The following TBC1D32 variants were observed in gnomAD, a reference collection of about 807,000 sequenced individuals.
TBC1D32 encodes the protein protein broad-minded.
A neutral mutation model predicts 170.3 loss-of-function variants in TBC1D32; 151 were observed. That is an observed-to-expected ratio of 0.89 (90% CI 0.78 to 1.01). The LOEUF (loss-of-function observed/expected upper bound fraction) is 1.01. TBC1D32 is among the 50% of genes least tolerant of loss of function. The pLI, the probability that TBC1D32 is intolerant of heterozygous loss-of-function variation, is 0.00. For synonymous variants in TBC1D32, 498 were observed against 488.0 expected (o/e 1.02, Z -0.27); for missense variants, 1,464 against 1,457.1 (o/e 1.00, Z -0.08).
At chr6:121,244,554 C>T (rs1371670359) in intron 17 of TBC1D32, among the ~76,000 whole-genome samples, 1 of 152,090 alleles carries the variant, frequency 6.6e-6, no homozygotes, top group Non-Finnish European at 1.5e-5. Context: ...CTCTGCTGTG[C>T]TGTGTTTTTA....
chr6:121,254,056 A>AT (rs1315491451), intron 17 of TBC1D32, among the ~76,000 whole-genome samples: 1 of 150,968 alleles, frequency 6.6e-6, no homozygotes, highest in Non-Finnish European at 1.5e-5. Flanking sequence ...CTACTCAGTC[A>AT]TAAAAAAAAA....
chr6:121,238,670 T>C (rs535510148), intron 20 of TBC1D32, among the ~76,000 whole-genome samples: 1 of 152,250 alleles, frequency 6.6e-6, no homozygotes, highest in East Asian at 1.9e-4. Flanking sequence ...TTCCTTCAAA[T>C]ATTCCTGACA....
chr6:121,273,435 A>G (rs1454088103), intron 15 of TBC1D32, among the ~76,000 whole-genome samples: 2 of 151,584 alleles, frequency 1.3e-5, no homozygotes, highest in East Asian at 3.9e-4. Flanking sequence ...GTGAGAACTG[A>G]ACAATGAGAA....
chr6:121,129,745 A>G (rs1451419887), intron 25 of TBC1D32: 2 of 259,698 alleles, frequency 7.7e-6, no homozygotes, highest in Admixed American at 4.7e-5. Context: ...TTGATGACTA[A>G]GAGGACAGGT....
At chr6:121,105,476 T>A (rs1411403532) in intron 30 of TBC1D32, among the ~76,000 whole-genome samples, 1 of 151,928 alleles carries the variant, frequency 6.6e-6, no homozygotes, top group Non-Finnish European at 1.5e-5. Context: ...AATTATAACA[T>A]AGTGAAGCAA....
At chr6:121,271,488 C>A (rs142384054) in intron 15 of TBC1D32, among the ~76,000 whole-genome samples, 4,996 of 152,020 alleles carry the variant, frequency 0.033, 200 homozygotes, top group East Asian at 0.12. Flanking sequence ...CAGAGAGCCA[C>A]ATCCTGAGTG....
chr6:121,087,950 ATT>A (rs571335757), intron 31 of TBC1D32, among the ~76,000 whole-genome samples: 7,786 of 141,280 alleles, frequency 0.055, 501 homozygotes, highest in African/African-American at 0.16. Context: ...TACATGGGGA[ATT>A]TTTTTTTTTT....
chr6:121,101,756 A>G (rs1047854897), intron 30 of TBC1D32, among the ~76,000 whole-genome samples: 1 of 152,082 alleles, frequency 6.6e-6, no homozygotes, highest in Non-Finnish European at 1.5e-5. Context: ...GGCAAGAGAA[A>G]GAAATAAAGG....
chr6:121,318,165 C>T (rs1008278605), intron 2 of TBC1D32, among the ~76,000 whole-genome samples: 4 of 152,060 alleles, frequency 2.6e-5, no homozygotes, highest in African/African-American at 9.7e-5. Context: ...CTCTTGTATA[C>T]TCCCAAGACC....
chr6:121,240,871 G>A (rs550874397), intron 19 of TBC1D32, among the ~76,000 whole-genome samples: 1 of 87,166 alleles, frequency 1.1e-5, no homozygotes, highest in Non-Finnish European at 2.3e-5. Context: ...GTGAAATTCT[G>A]TCTCACAAAA....
chr6:121,270,338 G>T (rs1801194165), intron 15 of TBC1D32, among the ~76,000 whole-genome samples: 1 of 151,880 alleles, frequency 6.6e-6, no homozygotes, highest in Non-Finnish European at 1.5e-5. Context: ...CTGGTTTTTT[G>T]AAAAGATCAA....
intron 3 of TBC1D32, among the ~76,000 whole-genome samples, chr6:121,316,286 C>T (rs1354728150): frequency 1.3e-5 from 2 of 152,100 alleles, no homozygotes; most frequent in Non-Finnish European, 2.9e-5. Flanking sequence ...TTCTTATGTT[C>T]CCATTTCAAT....
chr6:121,205,271 G>A, intron 21 of TBC1D32, 108 bp from the exon 22 acceptor site: 1 of 515,378 alleles, frequency 1.9e-6, no homozygotes, highest in Non-Finnish European at 3.5e-6. Flanking sequence ...GCCTTTACAA[G>A]GAAATCACCT....
intron 3 of TBC1D32, among the ~76,000 whole-genome samples, chr6:121,313,648 A>G (rs1808555090): frequency 6.6e-6 from 1 of 152,074 alleles, no homozygotes; most frequent in Non-Finnish European, 1.5e-5. Flanking sequence ...TTCTGCAGAG[A>G]TTTTTAAGAT....
intron 1 of TBC1D32, among the ~76,000 whole-genome samples, chr6:121,329,699 T>G (rs1379364602): frequency 6.6e-6 from 1 of 151,894 alleles, no homozygotes; most frequent in Non-Finnish European, 1.5e-5. Flanking sequence ...GCAAGAAATA[T>G]TCAATCATAT....
intron 29 of TBC1D32, among the ~76,000 whole-genome samples, chr6:121,112,074 A>G (rs1420808005): frequency 6.6e-6 from 1 of 152,162 alleles, no homozygotes; most frequent in African/African-American, 2.4e-5. Context: ...AACACTCAGT[A>G]TAGATTTACA....
intron 12 of TBC1D32, among the ~76,000 whole-genome samples, chr6:121,291,698 A>G (rs576106663): frequency 9.6e-4 from 146 of 152,238 alleles, no homozygotes; most frequent in African/African-American, 3.4e-3. Flanking sequence ...CAATTTCACT[A>G]TTCAATTTTT....
intron 22 of TBC1D32, among the ~76,000 whole-genome samples, chr6:121,197,977 C>T (rs892343513): frequency 1.3e-5 from 2 of 151,840 alleles, no homozygotes; most frequent in African/African-American, 4.8e-5. Context: ...TGAGACTGGC[C>T]TAGCCTCCCA....
intron 22 of TBC1D32, among the ~76,000 whole-genome samples, chr6:121,184,675 A>G (rs1434183657): frequency 6.6e-6 from 1 of 151,938 alleles, no homozygotes; most frequent in African/African-American, 2.4e-5. Context: ...CATGGTTTCA[A>G]TGACAGATTG....
Sources: allele counts gnomAD v4.1 joint callset (sites outside exome capture counted in the v4.1 genomes callset), GRCh38; gene constraint gnomAD v4.1.1; transcripts MANE v1.5; gene names NCBI Gene and HGNC (gene_info 2026-07-23, HGNC 2026-07-21).